Variants in LRFN2 observed in about 807,000 individuals in gnomAD.
The protein encoded by LRFN2 is leucine rich repeat and fibronectin type III domain containing 2.
A neutral mutation model predicts 37.3 loss-of-function variants in LRFN2; 18 were observed. The observed-to-expected ratio is 0.48, with a 90% CI of 0.33 to 0.72. The LOEUF (loss-of-function observed/expected upper bound fraction) is 0.72, where lower values mean the gene tolerates loss of function less well. LRFN2 is among the 30% of genes least tolerant of loss of function. The pLI is 0.02. For synonymous variants in LRFN2, 556 were observed against 466.6 expected, an observed-to-expected ratio of 1.19 and a Z score of -2.47; for missense variants, 1,006 against 1,060.7, an observed-to-expected ratio of 0.95 and a Z score of 0.72.
chr6:40,450,070 T>C (rs1007013606), intron 1 of LRFN2, among the ~76,000 whole-genome samples: 7 of 152,150 alleles, frequency 4.6e-5, no homozygotes, highest in African/African-American at 1.7e-4. Context: ...CTAGAAAAAC[T>C]TCAGGACAAT....
chr6:40,525,648 C>G (rs1766231427), intron 1 of LRFN2, among the ~76,000 whole-genome samples: 1 of 152,168 alleles, frequency 6.6e-6, no homozygotes, highest in South Asian at 2.1e-4. Context: ...TCCGAGCCCA[C>G]CCTTTGCCCC....
In LRFN2 at chr6:40,391,817, T is replaced by G. The variant is rs1581669118; in HGVS notation, c.*126A>C. 4.9e-6 allele frequency: 5 copies of G among 1,021,158 alleles called. No homozygotes were observed. The East Asian group carries it at 1.5e-4, about 31-fold the overall frequency. The allele number at this position is 1,021,158 out of a possible 1,614,324, so 63.3% of individuals were successfully genotyped here. On this transcript the variant is annotated 3_prime_UTR_variant, in exon 3 of 3. Transcript: ENST00000338305. ...CGGGGTAGGGGGGGACACGAGGCCA[T>G]TGACAGGGAGACGAAACTGTCCCTG...
intron 1 of LRFN2, among the ~76,000 whole-genome samples, chr6:40,570,557 A>G (rs1449464761): frequency 1.3e-5 from 2 of 152,156 alleles, no homozygotes; most frequent in Non-Finnish European, 2.9e-5. Flanking sequence ...CCTGCCCCAC[A>G]TTGTTCACAG....
At chr6:40,534,000 A>T (rs1766402080) in intron 1 of LRFN2, among the ~76,000 whole-genome samples, 1 of 152,176 alleles carries the variant, frequency 6.6e-6, no homozygotes, top group Non-Finnish European at 1.5e-5. Flanking sequence ...TTTAATTCTC[A>T]TGTCATAGGC....
At chr6:40,545,070 T>G (rs1183667951) in intron 1 of LRFN2, among the ~76,000 whole-genome samples, 1 of 152,164 alleles carries the variant, frequency 6.6e-6, no homozygotes, top group African/African-American at 2.4e-5. Flanking sequence ...GTATTGCAAA[T>G]CAGGGGTAAT....
intron 2 of LRFN2, among the ~76,000 whole-genome samples, chr6:40,409,693 G>A (rs1474428260): frequency 1.3e-5 from 2 of 152,168 alleles, no homozygotes; most frequent in Non-Finnish European, 2.9e-5. Context: ...CTTGGACACA[G>A]TATGTAAGTG....
intron 1 of LRFN2, among the ~76,000 whole-genome samples, chr6:40,444,995 AC>A (rs1763935331): frequency 6.8e-6 from 1 of 147,354 alleles, no homozygotes; most frequent in Non-Finnish European, 1.5e-5. Flanking sequence ...TCCTTCCTGC[AC>A]CCCCTCCACC....
rs1764591445 is a variant in LRFN2, at chr6:40,471,387, G to C, written c.-18-38256C>G. Among the ~76,000 whole-genome samples the C allele has an allele frequency of 2.0e-5, 3 of 152,176 alleles. No individual in the cohort carries two copies. The South Asian group carries it at 6.2e-4, about 32-fold the overall frequency. ...GCAAAGGCTAGGCTGCCACGGTTCAGGGATGCTGTCATATTGTCATGCCAT... is the reference window on the plus strand; with the variant it reads ...GCAAAGGCTAGGCTGCCACGGTTCACGGATGCTGTCATATTGTCATGCCAT... On this transcript the variant is annotated intron_variant, in intron 1 of 2. Coordinates refer to ENST00000338305, the MANE Select transcript of LRFN2 (RefSeq NM_020737.3).
intron 2 of LRFN2, among the ~76,000 whole-genome samples, chr6:40,401,441 A>T: frequency 6.6e-6 from 1 of 152,128 alleles, no homozygotes; most frequent in East Asian, 1.9e-4. Context: ...GCCTAGAGGG[A>T]GGTACGTACT....
intron 1 of LRFN2, among the ~76,000 whole-genome samples, chr6:40,438,377 T>C (rs1243829221): frequency 2.6e-5 from 4 of 152,042 alleles, no homozygotes; most frequent in Non-Finnish European, 5.9e-5. Flanking sequence ...GAAAGAGGTG[T>C]TCCTGCTGGC....
At chr6:40,490,520 G>T (rs6925136) in intron 1 of LRFN2, among the ~76,000 whole-genome samples, 14,057 of 152,172 alleles carry the variant, frequency 0.092, 1,096 homozygotes, top group African/African-American at 0.21. Context: ...GATTTTCAAG[G>T]CACTCTCAAG....
chr6:40,416,555 A>G (rs1763097301), intron 2 of LRFN2, among the ~76,000 whole-genome samples: 1 of 152,172 alleles, frequency 6.6e-6, no homozygotes, highest in Admixed American at 6.5e-5. Flanking sequence ...CATGAGCCCC[A>G]TTTTAAAGAC....
chr6:40,414,389 C>T (rs2113807964), intron 2 of LRFN2, among the ~76,000 whole-genome samples: 1 of 152,226 alleles, frequency 6.6e-6, no homozygotes, highest in Middle Eastern at 3.4e-3. Context: ...TTCCCCCCTC[C>T]TCCCCGCCGT....
At chr6:40,497,983 A>G (rs909482320) in intron 1 of LRFN2, among the ~76,000 whole-genome samples, 2 of 152,184 alleles carry the variant, frequency 1.3e-5, no homozygotes, top group African/African-American at 4.8e-5. Flanking sequence ...GAAGGAGAGA[A>G]TCACTTCTGG....
intron 2 of LRFN2, among the ~76,000 whole-genome samples, chr6:40,401,357 T>A (rs2436725): frequency 1.3e-5 from 2 of 152,080 alleles, no homozygotes; most frequent in Non-Finnish European, 2.9e-5. Context: ...CTGGGCCAGG[T>A]CTTCAGTAGC....
rs78398059 is a variant in LRFN2, at chr6:40,410,761, G to A, written c.1401-17849C>T. On this transcript the variant is annotated intron_variant, in intron 2 of 2. Transcript: ENST00000338305. The stretch of plus-strand genomic sequence containing the variant: ...TGGTGGCAGAAGATGAGCCGCCTGA[G>A]GGCACAGGTAGTTTTAGGGGTTGGG... 2.8e-3 allele frequency among the ~76,000 whole-genome samples: 434 copies of A among 152,286 alleles called. 4 individuals are homozygous for A. The highest frequency in any genetic ancestry group is 0.019 in the East Asian group (97 of 5,172).
At chr6:40,455,144 C>A (rs1486769008) in intron 1 of LRFN2, among the ~76,000 whole-genome samples, 1 of 152,172 alleles carries the variant, frequency 6.6e-6, no homozygotes, top group Admixed American at 6.5e-5. Flanking sequence ...TACCTCTTGA[C>A]TGTTTCCCTT....
chr6:40,536,758 C>G (rs1376015387), intron 1 of LRFN2, among the ~76,000 whole-genome samples: 2 of 152,172 alleles, frequency 1.3e-5, no homozygotes, highest in African/African-American at 4.8e-5. Context: ...AATTGCCAGA[C>G]AGAGGGCAGC....
chr6:40,436,938 T>TGAAC (rs1369865563), intron 1 of LRFN2, among the ~76,000 whole-genome samples: 5 of 152,130 alleles, frequency 3.3e-5, no homozygotes, highest in Admixed American at 1.3e-4. Flanking sequence ...CGAGAGCACA[T>TGAAC]GAACAGCCAC....
Sources: gnomAD v4.1 joint callset for allele counts (sites outside exome capture counted in the v4.1 genomes callset) on GRCh38, gnomAD v4.1.1 for gene constraint, MANE v1.5 for transcripts, NCBI Gene and HGNC (gene_info 2026-07-23, HGNC 2026-07-21) for gene names.